Variants in BCAS1 observed in about 807,000 individuals in gnomAD.
The protein encoded by BCAS1 is breast carcinoma-amplified sequence 1.
BCAS1 carries 46 observed loss-of-function variants against 65.4 expected under a neutral mutation model. The observed-to-expected ratio is 0.70, with a 90% confidence interval of 0.55 to 0.90. The LOEUF (loss-of-function observed/expected upper bound fraction) is 0.90, where lower values mean the gene tolerates loss of function less well. BCAS1 is among the 40% of genes least tolerant of loss of function. The probability of loss-of-function intolerance (pLI) is 0.00; values close to 1 mark genes in which losing one functional copy is unlikely to be tolerated. For synonymous variants in BCAS1, 298 were observed against 293.5 expected, an observed-to-expected ratio of 1.02 and a Z score of -0.16; for missense variants, 793 against 771.2, an observed-to-expected ratio of 1.03 and a Z score of -0.33.
At chr20:54,054,876 T>C (rs759950711) in intron 3 of BCAS1, among the ~76,000 whole-genome samples, 5 of 152,220 alleles carry the variant, frequency 3.3e-5, no homozygotes, top group African/African-American at 7.2e-5. Flanking sequence ...TACATATATA[T>C]GAAATATGCA....
At chr20:53,948,358 T>G (rs186905855) in intron 12 of BCAS1, among the ~76,000 whole-genome samples, 185 of 123,372 alleles carry the variant, frequency 1.5e-3, no homozygotes, top group African/African-American at 4.7e-3. Context: ...CTTCATTTAT[T>G]AAAAAAAAAT....
chr20:54,009,569 T>C (rs2091277546), intron 4 of BCAS1, among the ~76,000 whole-genome samples: 1 of 152,174 alleles, frequency 6.6e-6, no homozygotes, highest in Non-Finnish European at 1.5e-5. Flanking sequence ...GAAAATTGAA[T>C]TCATAATTTA....
rs2276501 is a variant in BCAS1, at chr20:53,991,684, T to C, written c.1062+828A>G. Among the ~76,000 whole-genome samples, 435 of 152,316 alleles carry C rather than the reference T, an allele frequency of 2.9e-3. 15 individuals are homozygous for C. The East Asian group carries it at 0.073, about 26-fold the overall frequency. Reference sequence around the variant, plus strand: ...CTGAAACATGCTCTGCCTTCATTCATTGCTTTTTTCCGCCTGGACTTTTAT... The same window carrying C: ...CTGAAACATGCTCTGCCTTCATTCACTGCTTTTTTCCGCCTGGACTTTTAT... On this transcript the variant is annotated intron_variant, in intron 7 of 12. Transcript: ENST00000688948.
intron 4 of BCAS1, among the ~76,000 whole-genome samples, chr20:54,018,343 T>A (rs770971289): frequency 3.3e-5 from 5 of 152,002 alleles, no homozygotes; most frequent in Admixed American, 6.6e-5. Context: ...CTAAAATCAT[T>A]CCTGGCACAA....
chr20:54,012,332 T>C (rs2091339057), intron 4 of BCAS1, among the ~76,000 whole-genome samples: 1 of 152,186 alleles, frequency 6.6e-6, no homozygotes, highest in South Asian at 2.1e-4. Flanking sequence ...TTTGATTGTA[T>C]CATTGTCAAT....
intron 4 of BCAS1, among the ~76,000 whole-genome samples, chr20:54,019,616 T>A (rs2091513565): frequency 6.6e-6 from 1 of 152,000 alleles, no homozygotes; most frequent in Non-Finnish European, 1.5e-5. Flanking sequence ...GTCAGCGGAC[T>A]GGGAGAAGAA....
chr20:53,976,841 A>G (rs2090347340), intron 8 of BCAS1, among the ~76,000 whole-genome samples: 1 of 152,222 alleles, frequency 6.6e-6, no homozygotes, highest in South Asian at 2.1e-4. Context: ...GGGCACAAAA[A>G]TGTTCCTAAA....
intron 9 of BCAS1, among the ~76,000 whole-genome samples, chr20:53,968,392 G>C (rs886200505): frequency 3.3e-5 from 5 of 152,306 alleles, no homozygotes; most frequent in Middle Eastern, 3.4e-3. Flanking sequence ...TCAGGGGGTA[G>C]GGGAAGGGGA....
At chr20:54,015,526 A>C (rs915525978) in intron 4 of BCAS1, among the ~76,000 whole-genome samples, 2 of 152,176 alleles carry the variant, frequency 1.3e-5, no homozygotes, top group Non-Finnish European at 2.9e-5. Context: ...CATGGCAAAA[A>C]CAGGGAAAGA....
intron 12 of BCAS1, among the ~76,000 whole-genome samples, chr20:53,947,752 G>A (rs924803740): frequency 2.0e-5 from 3 of 152,054 alleles, no homozygotes; most frequent in African/African-American, 7.2e-5. Context: ...TCCATTTACC[G>A]TGCATTGTAA....
At chr20:54,062,469 C>T (rs1049332358) in intron 1 of BCAS1, among the ~76,000 whole-genome samples, 1 of 152,124 alleles carries the variant, frequency 6.6e-6, no homozygotes, top group Non-Finnish European at 1.5e-5. Flanking sequence ...TATACACATG[C>T]AAGAATATAT....
intron 4 of BCAS1, among the ~76,000 whole-genome samples, chr20:54,024,954 G>A (rs568028234): frequency 6.6e-6 from 1 of 152,082 alleles, no homozygotes; most frequent in African/African-American, 2.4e-5. Context: ...TCTGAGGACC[G>A]ATGCACTTAT....
chr20:53,981,283 TTGCCCAGACATA>T (rs2090471411), intron 8 of BCAS1, among the ~76,000 whole-genome samples: 1 of 152,194 alleles, frequency 6.6e-6, no homozygotes, highest in African/African-American at 2.4e-5. Context: ...GCTTCCATAA[TTGCCCAGACATA>T]TGCCCAGACT....
chr20:54,067,276 T>C (rs2092455803), intron 1 of BCAS1, among the ~76,000 whole-genome samples: 1 of 152,190 alleles, frequency 6.6e-6, no homozygotes, highest in Non-Finnish European at 1.5e-5. Context: ...CTTGGGAGGC[T>C]GAGGCAGGAG....
At chr20:53,976,352 G>A (rs1415242370) in intron 8 of BCAS1, among the ~76,000 whole-genome samples, 3 of 152,048 alleles carry the variant, frequency 2.0e-5, no homozygotes, top group Non-Finnish European at 2.9e-5. Context: ...AGGATTCATA[G>A]ACCTTCTATG....
chr20:54,059,375 T>G (rs887123845), intron 1 of BCAS1, among the ~76,000 whole-genome samples: 1 of 152,200 alleles, frequency 6.6e-6, no homozygotes, highest in Non-Finnish European at 1.5e-5. Context: ...TTTTTTTCTC[T>G]TTTAGTTAAA....
At chr20:53,950,239 G>A (rs1283045549) in intron 12 of BCAS1, among the ~76,000 whole-genome samples, 1 of 151,880 alleles carries the variant, frequency 6.6e-6, no homozygotes, top group Non-Finnish European at 1.5e-5. Context: ...CAGCAACCAC[G>A]GCCTTGTTTC....
intron 7 of BCAS1, among the ~76,000 whole-genome samples, chr20:53,986,880 A>G (rs1034961236): frequency 6.6e-6 from 1 of 152,188 alleles, no homozygotes; most frequent in East Asian, 1.9e-4. Flanking sequence ...ACAGAACAAG[A>G]CACCATCTCA....
In BCAS1 at chr20:53,989,220, C is replaced by T. The variant is rs187060129; in HGVS notation, c.1062+3292G>A. Among the ~76,000 whole-genome samples, 127 of 152,212 alleles carry T rather than the reference C, an allele frequency of 8.3e-4. No homozygotes were observed. The Middle Eastern group carries it at 0.014, about 16-fold the overall frequency. On this transcript the variant is annotated intron_variant, in intron 7 of 12. Transcript: ENST00000688948. ...TGATACTGAGATAAAGATTGGGAAACACATCTATACTGATCAGTTTCATAG... is the reference window on the plus strand; with the variant it reads ...TGATACTGAGATAAAGATTGGGAAATACATCTATACTGATCAGTTTCATAG...
Sources: gnomAD v4.1 joint callset for allele counts (sites outside exome capture counted in the v4.1 genomes callset) on GRCh38, gnomAD v4.1.1 for gene constraint, MANE v1.5 for transcripts, NCBI Gene and HGNC (gene_info 2026-07-23, HGNC 2026-07-21) for gene names.